ANO10: variants seen among roughly 807,000 people sequenced by gnomAD.
The protein encoded by ANO10 is anoctamin-10.
ANO10 carries 77 observed loss-of-function variants against 74.7 expected under a neutral mutation model. The observed-to-expected ratio is 1.03, with a 90% CI of 0.86 to 1.25. The LOEUF is 1.25. Among genes scored for constraint, ANO10 ranks in the 50% most tolerant of loss-of-function variants. The probability of loss-of-function intolerance (pLI) is 0.00; values close to 1 mark genes in which losing one functional copy is unlikely to be tolerated. For synonymous variants in ANO10, 279 were observed against 284.9 expected (o/e 0.98, Z 0.21); for missense variants, 721 against 778.1 (o/e 0.93, Z 0.87).
At chr3:43,477,601 G>A (rs2149075875) in intron 11 of ANO10, among the ~76,000 whole-genome samples, 1 of 152,286 alleles carries the variant, frequency 6.6e-6, no homozygotes, top group Middle Eastern at 3.4e-3. Context: ...TGCTTCCTTG[G>A]ATCCTGGACC....
At chr3:43,610,363 A>G (rs1437955865) in intron 1 of ANO10, among the ~76,000 whole-genome samples, 1 of 152,124 alleles carries the variant, frequency 6.6e-6, no homozygotes, top group Non-Finnish European at 1.5e-5. Context: ...TTTTTTTTCA[A>G]TATAAGGAGG....
At chr3:43,399,319 C>A (rs964540803) in intron 12 of ANO10, among the ~76,000 whole-genome samples, 7 of 152,140 alleles carry the variant, frequency 4.6e-5, no homozygotes, top group Admixed American at 1.3e-4. Flanking sequence ...TTTTTGTTCT[C>A]TGATCACTTC....
At chr3:43,444,301 C>T (rs531475404) in intron 11 of ANO10, among the ~76,000 whole-genome samples, 6 of 152,166 alleles carry the variant, frequency 3.9e-5, no homozygotes, top group African/African-American at 1.2e-4. Context: ...AGTTTGTTTT[C>T]CTCTCATTCA....
chr3:43,427,311 A>G (rs2092913355), intron 12 of ANO10, among the ~76,000 whole-genome samples: 1 of 152,030 alleles, frequency 6.6e-6, no homozygotes, highest in Non-Finnish European at 1.5e-5. Context: ...GAGACACAGG[A>G]GCATTTTAAA....
At chr3:43,572,315 G>A (rs2080772790) in intron 7 of ANO10, among the ~76,000 whole-genome samples, 1 of 152,172 alleles carries the variant, frequency 6.6e-6, no homozygotes, top group Non-Finnish European at 1.5e-5. Flanking sequence ...TCCACAGAGA[G>A]ATCCCAGGAT....
intron 4 of ANO10, among the ~76,000 whole-genome samples, chr3:43,594,089 A>G (rs549904388): frequency 2.6e-5 from 4 of 152,356 alleles, no homozygotes; most frequent in East Asian, 3.9e-4. Context: ...CACCCAATAC[A>G]GGAGCACCCA....
At chr3:43,553,861 G>A (rs1258751196) in intron 10 of ANO10, among the ~76,000 whole-genome samples, 2 of 152,004 alleles carry the variant, frequency 1.3e-5, no homozygotes, top group Admixed American at 6.6e-5. Flanking sequence ...CTATTTTCCA[G>A]TTTCTGATTC....
intron 1 of ANO10, among the ~76,000 whole-genome samples, chr3:43,660,086 C>T (rs2083907944): frequency 6.6e-6 from 1 of 152,176 alleles, no homozygotes; most frequent in South Asian, 2.1e-4. Context: ...AAAACCCCAT[C>T]TGTAGGTCAC....
chr3:43,516,422 A>G (rs1469130185), intron 11 of ANO10, among the ~76,000 whole-genome samples: 1 of 152,206 alleles, frequency 6.6e-6, no homozygotes, highest in African/African-American at 2.4e-5. Context: ...TACAGTATGC[A>G]TGTTGAAAGC....
chr3:43,407,405 A>G (rs745390973), intron 12 of ANO10, among the ~76,000 whole-genome samples: 2 of 152,196 alleles, frequency 1.3e-5, no homozygotes, highest in Non-Finnish European at 2.9e-5. Flanking sequence ...AATTGATCGC[A>G]GGTGCACTAA....
At chr3:43,447,291 G>C (rs545188329) in intron 11 of ANO10, among the ~76,000 whole-genome samples, 2 of 152,158 alleles carry the variant, frequency 1.3e-5, no homozygotes, top group Non-Finnish European at 2.9e-5. Context: ...AAATTGTTCC[G>C]TACATGGTAT....
upstream of ANO10, among the ~76,000 whole-genome samples, chr3:43,623,299 A>AT: frequency 2.6e-5 from 4 of 152,304 alleles, no homozygotes; most frequent in East Asian, 7.7e-4. Flanking sequence ...TAATTGTTCT[A>AT]TTTTATTATT....
chr3:43,444,224 G>C (rs192504327), intron 11 of ANO10, among the ~76,000 whole-genome samples: 199 of 152,256 alleles, frequency 1.3e-3, no homozygotes, highest in Middle Eastern at 6.8e-3. Flanking sequence ...GGCTTTCAAG[G>C]CTTTGGCATG....
Position 43,452,506 on chromosome 3 carries a change from T to C in ANO10, c.1798-19779A>G, listed in dbSNP as rs2074922296. Among the ~76,000 whole-genome samples, 3 of 152,218 alleles carry C rather than the reference T, an allele frequency of 2.0e-5. No homozygotes were observed. The South Asian group carries it at 6.2e-4, about 32-fold the overall frequency. ...TCATCCATGTTGTGGCATGTATTACTAGTTCATTTCTTTTTATTGCCTAAT... is the reference window on the plus strand; with the variant it reads ...TCATCCATGTTGTGGCATGTATTACCAGTTCATTTCTTTTTATTGCCTAAT... On this transcript the variant is annotated intron_variant, in intron 11 of 12. Coordinates refer to ENST00000292246, the MANE Select transcript of ANO10 (RefSeq NM_018075.5).
chr3:43,455,144 T>C (rs962009857), intron 11 of ANO10, among the ~76,000 whole-genome samples: 1 of 151,866 alleles, frequency 6.6e-6, no homozygotes, highest in Non-Finnish European at 1.5e-5. Context: ...GTGCGCCCAT[T>C]TTCTCAGTGA....
Position 43,549,879 on chromosome 3 carries a change from T to G in ANO10, c.1669-31A>C, listed in dbSNP as rs760685662. On this transcript the variant is annotated intron_variant, in intron 10 of 12. Coordinates refer to ENST00000292246, the MANE Select transcript of ANO10 (RefSeq NM_018075.5). ...AGAAAAAAGAATGGAAATTAAAAAT[T>G]GCAATGACTGCTTCCATATTTCCTC... 5.6e-6 allele frequency: 9 copies of G among 1,611,578 alleles called. No individual in the cohort carries two copies. In the East Asian group the frequency reaches 1.3e-4, roughly 24 times the overall value.
At chr3:43,583,133 CAGAG>C (rs1169930603) in intron 4 of ANO10, among the ~76,000 whole-genome samples, 1 of 152,130 alleles carries the variant, frequency 6.6e-6, no homozygotes, top group South Asian at 2.1e-4. Context: ...ACTGAAGACT[CAGAG>C]AGAATATAAA....
intron 4 of ANO10, among the ~76,000 whole-genome samples, chr3:43,586,079 C>A (rs1408880183): frequency 6.6e-6 from 1 of 152,188 alleles, no homozygotes; most frequent in East Asian, 1.9e-4. Flanking sequence ...GCCAAGCACA[C>A]AAAGGGCAAG....
chr3:43,659,828 G>C (rs899265330), intron 1 of ANO10, among the ~76,000 whole-genome samples: 1 of 152,100 alleles, frequency 6.6e-6, no homozygotes, highest in Non-Finnish European at 1.5e-5. Flanking sequence ...TCCCAGTAGG[G>C]GCCGACAAAC....
Sources: gnomAD v4.1 joint callset for allele counts (sites outside exome capture counted in the v4.1 genomes callset) on GRCh38, gnomAD v4.1.1 for gene constraint, MANE v1.5 for transcripts, NCBI Gene and HGNC (gene_info 2026-07-23, HGNC 2026-07-21) for gene names.